Variants in SMG1 observed in about 807,000 individuals in gnomAD.
The protein encoded by SMG1 is serine/threonine-protein kinase SMG1.
Under a neutral mutation model 419.9 loss-of-function variants are expected in SMG1, and 22 were observed. The ratio of observed to expected loss-of-function variants is 0.05; its 90% CI spans 0.04 to 0.07. The LOEUF is 0.07. Among genes scored for constraint, SMG1 ranks in the 10% least tolerant of loss-of-function variants. The pLI is 1.00. For synonymous variants in SMG1, 1,538 were observed against 1,553.5 expected (o/e 0.99, Z 0.23); for missense variants, 3,185 against 4,342.0 (o/e 0.73, Z 7.49).
intron 46 of SMG1, 148 bp from the exon 47 acceptor site, chr16:18,836,680 G>T: frequency 1.3e-6 from 1 of 765,336 alleles, no homozygotes; most frequent in Non-Finnish European, 2.1e-6. Flanking sequence ...TTACTTCTCT[G>T]TTTTTCCTGA....
intron 52 of SMG1, 51 bp downstream of exon 52, chr16:18,830,168 A>G: frequency 6.2e-7 from 1 of 1,609,192 alleles, no homozygotes; most frequent in Non-Finnish European, 8.5e-7. Context: ...ACACAACTGA[A>G]CAACTACTTT....
At position 18,837,460 on chromosome 16, in the gene SMG1, C is replaced by T. The variant is rs763134113; in HGVS notation, c.7414-17G>A. On this transcript the variant is annotated splice_polypyrimidine_tract_variant and intron_variant, in intron 45 of 62. Coordinates refer to ENST00000446231, the MANE Select transcript of SMG1 (RefSeq NM_015092.5). Reference sequence around the variant, plus strand: ...CCAGTTCACCTGTAAAAAGATATTACGATTAAGAAGACTCTTACAGGGCCA... The same window carrying T: ...CCAGTTCACCTGTAAAAAGATATTATGATTAAGAAGACTCTTACAGGGCCA... 35 of 1,602,382 alleles carry T rather than the reference C, an allele frequency of 2.2e-5. No individual in the cohort carries two copies. Among genetic ancestry groups the T allele is most frequent in the South Asian group, 6.7e-5 (6 of 89,726 alleles).
intron 5 of SMG1, among the ~76,000 whole-genome samples, chr16:18,890,601 G>C (rs1469154659): frequency 6.6e-6 from 1 of 152,218 alleles, no homozygotes; most frequent in Non-Finnish European, 1.5e-5. Context: ...AGTGAGCTGA[G>C]ATCGCACCAC....
Position 18,840,003 on chromosome 16 carries a change from G to A in SMG1, c.6697-57C>T, listed in dbSNP as rs2033822548. ...AAGATCAATTTTATATAAGGAAAAA[G>A]AGTGCCTTTTGTATGTAAAGTAGAA... On this transcript the variant is annotated intron_variant, in intron 41 of 62. Transcript: ENST00000446231. 2.2e-6 allele frequency: 3 copies of A among 1,377,586 alleles called. No homozygotes were observed. In the South Asian group the frequency reaches 4.2e-5, roughly 19 times the overall value. 85.3% of individuals were successfully genotyped at this position (1,377,586 alleles called of 1,614,324 possible).
In SMG1 at chr16:18,835,146, A is replaced by T; in HGVS notation, c.8076T>A (p.Ala2692=). The T allele has an allele frequency of 6.2e-7, 1 of 1,609,368 alleles. No individual in the cohort carries two copies. Among genetic ancestry groups the T allele is most frequent in the Non-Finnish European group, 8.5e-7 (1 of 1,175,916 alleles). The change falls in exon 49 of 63, where the codon GCT becomes GCA. Residue 2692 remains alanine (A), a synonymous_variant. Transcript: ENST00000446231. ...GACACACTGTTGGGGGTGGCTGGGG[A>T]GCATATTGCATTTCATATCTATAAA... The part of the protein sequence containing the change: ...ELYRKYEMQY[A]PQPPPTVCQF...
At chr16:18,877,666 G>C (rs2036201350) in intron 11 of SMG1, 1 of 154,554 alleles carries the variant, frequency 6.5e-6, no homozygotes, top group South Asian at 2.0e-4. Flanking sequence ...TAATGAGGGG[G>C]AAACTGTTGG....
chr16:18,868,106 C>T (rs1016251659), intron 22 of SMG1, 84 bp downstream of exon 22: 3 of 1,008,916 alleles, frequency 3.0e-6, no homozygotes, highest in Non-Finnish European at 4.4e-6. Context: ...CTTATTTTAT[C>T]CATAGATTAA....
chr16:18,827,381 GTGCCAC>G (rs1218540156), intron 55 of SMG1, among the ~76,000 whole-genome samples: 7 of 150,496 alleles, frequency 4.7e-5, no homozygotes, highest in Admixed American at 2.0e-4. Context: ...AGGTGAGATA[GTGCCAC>G]TGCACTCCAA....
chr16:18,837,923 T>A (rs1269630051), intron 45 of SMG1, 91 bp downstream of exon 45: 2 of 1,401,846 alleles, frequency 1.4e-6, no homozygotes, highest in Non-Finnish European at 1.9e-6. Context: ...GCCAAAAAAA[T>A]TAGAGAAACA....
intron 3 of SMG1, among the ~76,000 whole-genome samples, chr16:18,894,760 G>A (rs189978637): frequency 1.3e-3 from 199 of 149,178 alleles, no homozygotes; most frequent in African/African-American, 4.1e-3. Context: ...CAGCTTTACC[G>A]ATAAATTTCT....
At chr16:18,839,597 G>A (rs760286441) in intron 42 of SMG1, 101 bp downstream of exon 42, 271 of 1,462,494 alleles carry the variant, frequency 1.9e-4, no homozygotes, top group Non-Finnish European at 2.2e-4. Flanking sequence ...CAAGTCTGGA[G>A]GGACAGAGGA....
rs2038392678 is a variant in SMG1 at position 18,926,063 on chromosome 16, G to A, written c.-22C>T. The A allele has an allele frequency of 1.3e-6, 2 of 1,548,228 alleles. No individual in the cohort carries two copies. Among genetic ancestry groups the A allele is most frequent in the Non-Finnish European group, 1.7e-6 (2 of 1,156,492 alleles). ...TCATTACCTTCCCCGACACGACATG[G>A]CCAAGCGCCGCCGCCCAAAGAAGCG... On this transcript the variant is annotated 5_prime_UTR_variant, in exon 1 of 63. Transcript: ENST00000446231.
At position 18,809,728 on chromosome 16, in the gene SMG1, T is replaced by C. The variant is rs1000648355; in HGVS notation, c.10909-82A>G. On this transcript the variant is annotated intron_variant, in intron 62 of 62. Transcript: ENST00000446231. ...TGAATTACAATCAGCAGACAAATTA[T>C]GCCAAAAGTTAAGTGCAAAGGACTC... 4.4e-6 allele frequency: 5 copies of C among 1,126,462 alleles called. No individual in the cohort carries two copies. In the African/African-American group the frequency reaches 7.7e-5, roughly 17 times the overall value. The allele number at this position is 1,126,462 out of a possible 1,614,324, so 69.8% of individuals were successfully genotyped here.
intron 1 of SMG1, among the ~76,000 whole-genome samples, chr16:18,921,150 A>G (rs1243639408): frequency 6.7e-6 from 1 of 149,836 alleles, no homozygotes; most frequent in Non-Finnish European, 1.5e-5. Flanking sequence ...AAAAAAAAAA[A>G]AAAAAGAGAG....
At position 18,834,819 on chromosome 16, in the gene SMG1, TA is replaced by T. The variant is rs879103217; in HGVS notation, c.8330+72del. The T allele has an allele frequency of 5.3e-5, 80 of 1,498,162 alleles. No homozygotes were observed. The South Asian group carries it at 9.3e-4, about 17-fold the overall frequency. The allele number at this position is 1,498,162 out of a possible 1,614,324, so 92.8% of individuals were successfully genotyped here. The stretch of plus-strand genomic sequence containing the variant: ...TAACACTTGGCAAGACTAAGGAAAG[TA>T]AAAGAACATTTTAGGTTTGGGATTA... On this transcript the variant is annotated intron_variant, in intron 49 of 62. Coordinates refer to ENST00000446231, the MANE Select transcript of SMG1 (RefSeq NM_015092.5).
intron 56 of SMG1, among the ~76,000 whole-genome samples, chr16:18,818,644 T>G (rs1165789340): frequency 2.6e-5 from 4 of 151,870 alleles, no homozygotes; most frequent in African/African-American, 4.8e-5. Context: ...GATTAGGGAG[T>G]ATGGGTGAAA....
chr16:18,838,518 C>G (rs771912312), intron 43 of SMG1, 33 bp downstream of exon 43: 3 of 1,613,764 alleles, frequency 1.9e-6, no homozygotes, highest in Non-Finnish European at 2.5e-6. Context: ...AAACATTTGG[C>G]CCTCATAAAT....
intron 23 of SMG1, among the ~76,000 whole-genome samples, chr16:18,864,980 T>C (rs146303354): frequency 1.3e-5 from 2 of 152,314 alleles, no homozygotes; most frequent in South Asian, 2.1e-4. Flanking sequence ...GTGGAAAATA[T>C]TGATAAGTAG....
chr16:18,906,166 C>A (rs1371757759), intron 1 of SMG1, among the ~76,000 whole-genome samples: 1 of 148,098 alleles, frequency 6.8e-6, no homozygotes, highest in Admixed American at 6.8e-5. Context: ...CCTCCCCATA[C>A]ACACATTCTA....
Sources: gnomAD v4.1 joint callset for allele counts (sites outside exome capture counted in the v4.1 genomes callset) on GRCh38, gnomAD v4.1.1 for gene constraint, MANE v1.5 for transcripts, NCBI Gene and HGNC (gene_info 2026-07-23, HGNC 2026-07-21) for gene names.